F10: variants seen among roughly 807,000 people sequenced by gnomAD.
F10 encodes coagulation factor X.
In F10, 29 loss-of-function variants were observed where a neutral mutation model predicts 37.1. The ratio of observed to expected loss-of-function variants is 0.78; its 90% CI spans 0.58 to 1.07. The LOEUF (loss-of-function observed/expected upper bound fraction) is 1.07, where lower values mean the gene tolerates loss of function less well. Among genes scored for constraint, F10 ranks in the 50% least tolerant of loss-of-function variants. The probability of loss-of-function intolerance (pLI) is 0.00; values close to 1 mark genes in which losing one functional copy is unlikely to be tolerated. For synonymous variants in F10, 262 were observed against 268.6 expected, an observed-to-expected ratio of 0.98 and a Z score of 0.24; for missense variants, 539 against 667.9, an observed-to-expected ratio of 0.81 and a Z score of 2.13.
At chr13:113,145,493 A>T (rs1402287663) in intron 6 of F10, among the ~76,000 whole-genome samples, 2 of 152,248 alleles carry the variant, frequency 1.3e-5, no homozygotes, top group African/African-American at 4.8e-5. Context: ...TTTCAGTGTA[A>T]GTATGTTCCA....
chr13:113,123,071 C>A, intron 1 of F10, 146 bp downstream of exon 1: 1 of 975,010 alleles, frequency 1.0e-6, no homozygotes, highest in South Asian at 1.4e-5. Flanking sequence ...TGGGCTTGGC[C>A]TTTCCAGCCA....
chr13:113,133,370 C>G (rs917746257), intron 2 of F10, among the ~76,000 whole-genome samples: 2 of 152,054 alleles, frequency 1.3e-5, no homozygotes, highest in African/African-American at 4.8e-5. Flanking sequence ...GGGGACATCA[C>G]TACAGAAACT....
intron 2 of F10, among the ~76,000 whole-genome samples, chr13:113,138,199 G>C (rs1360104660): frequency 6.6e-6 from 1 of 152,174 alleles, no homozygotes; most frequent in East Asian, 1.9e-4. Context: ...CCTGTTTCTA[G>C]GTAATTAACT....
chr13:113,129,020 C>T (rs1566915399), intron 1 of F10: 2 of 218,108 alleles, frequency 9.2e-6, no homozygotes, highest in South Asian at 7.0e-5. Context: ...ATATGTCAAA[C>T]AAATACAATT....
intron 1 of F10, among the ~76,000 whole-genome samples, chr13:113,124,138 C>T (rs899587477): frequency 2.7e-5 from 4 of 150,796 alleles, no homozygotes; most frequent in African/African-American, 9.9e-5. Context: ...GCCCTAAGCC[C>T]GGCCCGGGGC....
rs1266983839 is a variant in F10 at position 113,142,700 on chromosome 13, T to C, written c.503-1151T>C. Among the ~76,000 whole-genome samples the C allele has an allele frequency of 2.1e-5, 3 of 143,488 alleles. 1 individual carries two copies. Among genetic ancestry groups the C allele is most frequent in the Non-Finnish European group, 4.6e-5 (3 of 64,690 alleles). The allele number at this position is 143,488 out of a possible 152,430, so 94.1% of individuals were successfully genotyped here. On this transcript the variant is annotated intron_variant, in intron 5 of 7. Coordinates refer to ENST00000375559, the MANE Select transcript of F10 (RefSeq NM_000504.4). ...CAGCACTTTGGGAAGCCAAGGTGGGTGGATCACCTGAGGTCAGGAGTTCAA... is the reference window on the plus strand; with the variant it reads ...CAGCACTTTGGGAAGCCAAGGTGGGCGGATCACCTGAGGTCAGGAGTTCAA...
chr13:113,127,579 G>C (rs1489205137), intron 1 of F10, among the ~76,000 whole-genome samples: 3 of 152,144 alleles, frequency 2.0e-5, no homozygotes, highest in Admixed American at 1.3e-4. Flanking sequence ...AAGGGACACA[G>C]ACTCTCGGAT....
chr13:113,131,899 G>C (rs2036437964), intron 2 of F10: 1 of 152,336 alleles, frequency 6.6e-6, no homozygotes, highest in African/African-American at 2.4e-5. Context: ...TCCGCCCACA[G>C]CTGGTTGGAG....
rs1029436040 is a variant in F10, at chr13:113,144,931, T to G, written c.747+836T>G. On this transcript the variant is annotated intron_variant, in intron 6 of 7. Transcript: ENST00000375559. This position sits in a 1 kb window ranked among gnomAD's most constrained non-coding sequence, Gnocchi z 6.4. ...TCTCACTCTGTCGCCCAGGCTGGAG[T>G]GCAGTGGCGCGATCTCGGCTCACTG... 1.3e-5 allele frequency among the ~76,000 whole-genome samples: 2 copies of G among 151,168 alleles called. No homozygotes were observed. Among genetic ancestry groups the G allele is most frequent in the Admixed American group, 6.6e-5 (1 of 15,164 alleles).
chr13:113,125,905 AC>A (rs1283518201), intron 1 of F10, among the ~76,000 whole-genome samples: 1 of 151,852 alleles, frequency 6.6e-6, no homozygotes, highest in Non-Finnish European at 1.5e-5. Context: ...GACAAATAGC[AC>A]AGTGTAAGGG....
At chr13:113,137,889 G>C (rs985400610) in intron 2 of F10, among the ~76,000 whole-genome samples, 1 of 152,174 alleles carries the variant, frequency 6.6e-6, no homozygotes, top group Non-Finnish European at 1.5e-5. Flanking sequence ...CATCTGCAAA[G>C]ACCCGATTTC....
chr13:113,144,109 G>A lies in F10; in HGVS notation c.747+14G>A. ...TGTCCCTGGCAGGTAACAGTAGGAT[G>A]TCCCCTCGGGCCTGCTGGAGAGACC... On this transcript the variant is annotated intron_variant, in intron 6 of 7. Transcript: ENST00000375559. This position sits in a 1 kb window ranked among gnomAD's most constrained non-coding sequence, Gnocchi z 6.4. The A allele has an allele frequency of 4.3e-6, 7 of 1,613,350 alleles. No individual in the cohort carries two copies. Among genetic ancestry groups the A allele is most frequent in the Non-Finnish European group, 5.9e-6 (7 of 1,179,980 alleles).
intron 1 of F10, 102 bp from the exon 2 acceptor site, chr13:113,129,350 G>C (rs1461813284): frequency 6.8e-7 from 1 of 1,463,126 alleles, no homozygotes; most frequent in Non-Finnish European, 9.5e-7. Flanking sequence ...CGCCTTTTGT[G>C]ATCTGGATAT....
At chr13:113,134,167 T>C (rs1287056869) in intron 2 of F10, among the ~76,000 whole-genome samples, 1 of 152,132 alleles carries the variant, frequency 6.6e-6, no homozygotes, top group Non-Finnish European at 1.5e-5. Flanking sequence ...ATACTGGAAG[T>C]CCTAGCTCTA....
intron 4 of F10, chr13:113,140,532 C>T (rs1250741463): frequency 2.1e-6 from 1 of 483,404 alleles, no homozygotes. Flanking sequence ...TGTTCAGGCT[C>T]CCAGGGCTAT....
At chr13:113,148,345 A>AAAATATATATATATATATATATATAT (rs1300922846) in intron 7 of F10, among the ~76,000 whole-genome samples, 1 of 95,414 alleles carries the variant, frequency 1.0e-5, no homozygotes, top group East Asian at 4.3e-4. Flanking sequence ...AAAAAAAAAA[A>AAAATATATATATATATATATATATAT]ATATATATAT....
chr13:113,125,864 T>C (rs915134335), intron 1 of F10, among the ~76,000 whole-genome samples: 7 of 152,066 alleles, frequency 4.6e-5, no homozygotes, highest in African/African-American at 1.7e-4. Context: ...CCTGTCAGCA[T>C]GTAATGTCAG....
At position 113,141,171 on chromosome 13, in the gene F10, A is replaced by G. The variant is rs557244810; in HGVS notation, c.502+121A>G. 7.1e-7 allele frequency: 1 copy of G among 1,408,124 alleles called. No homozygotes were observed. The highest frequency in any genetic ancestry group is 1.4e-5 in the African/African-American group (1 of 70,828). The allele number at this position is 1,408,124 out of a possible 1,614,324, so 87.2% of individuals were successfully genotyped here. On this transcript the variant is annotated intron_variant, in intron 5 of 7. Transcript: ENST00000375559. The surrounding 1 kb of genome is among the most constrained non-coding windows in gnomAD (Gnocchi z 5.4). Reference sequence around the variant, plus strand: ...GGCGGGCCTGGCAGGTAACAGTGACACCAAGAGGACAGGACTGAGCCCTGG... The same window carrying G: ...GGCGGGCCTGGCAGGTAACAGTGACGCCAAGAGGACAGGACTGAGCCCTGG...
intron 4 of F10, among the ~76,000 whole-genome samples, chr13:113,140,271 C>T (rs2036515250): frequency 1.3e-5 from 2 of 151,332 alleles, no homozygotes; most frequent in Non-Finnish European, 2.9e-5. Flanking sequence ...TTAGTGGAGA[C>T]GGGGTTTCAC....
Sources: gnomAD v4.1 joint callset for allele counts (sites outside exome capture counted in the v4.1 genomes callset) on GRCh38, gnomAD v4.1.1 for gene constraint, Gnocchi (gnomAD v3.1) non-coding constraint, MANE v1.5 for transcripts, NCBI Gene and HGNC (gene_info 2026-07-23, HGNC 2026-07-21) for gene names.